The following RRAS2 variants were observed in gnomAD, a reference collection of about 807,000 sequenced individuals.
RRAS2 encodes RAS related 2, also known as ras-related protein R-Ras2.
RRAS2 carries 7 observed loss-of-function variants against 27.6 expected under a neutral mutation model. The observed-to-expected ratio is 0.25, with a 90% CI of 0.14 to 0.48. The LOEUF (loss-of-function observed/expected upper bound fraction) is 0.48, where lower values mean the gene tolerates loss of function less well. Ranked by LOEUF, RRAS2 falls within the 20% of genes least tolerant of loss-of-function variation. RRAS2 has a pLI of 0.99. For missense variants in RRAS2, 178 were observed against 256.2 expected, an observed-to-expected ratio of 0.69 and a Z score of 2.08; for synonymous variants, 86 against 90.9, an observed-to-expected ratio of 0.95 and a Z score of 0.31.
intron 4 of RRAS2, among the ~76,000 whole-genome samples, chr11:14,294,093 T>C (rs756305393): frequency 3.1e-4 from 47 of 152,354 alleles, no homozygotes; most frequent in Non-Finnish European, 5.4e-4. Flanking sequence ...GTTAATTTAG[T>C]ATTAACACCG....
intron 1 of RRAS2, among the ~76,000 whole-genome samples, chr11:14,300,351 C>G (rs1300541498): frequency 1.3e-5 from 2 of 152,146 alleles, no homozygotes; most frequent in African/African-American, 4.8e-5. Flanking sequence ...GGGAAGCTAT[C>G]ACATTCAGAC....
At chr11:14,331,422 AAC>A (rs1309632574) in intron 1 of RRAS2, among the ~76,000 whole-genome samples, 8 of 152,204 alleles carry the variant, frequency 5.3e-5, no homozygotes, top group Non-Finnish European at 7.3e-5. Flanking sequence ...ATTAAAGGAA[AAC>A]ACTAATAGGA....
intron 1 of RRAS2, among the ~76,000 whole-genome samples, chr11:14,310,369 G>C (rs1447170232): frequency 6.6e-6 from 1 of 152,172 alleles, no homozygotes; most frequent in Middle Eastern, 3.2e-3. Flanking sequence ...AGACGAATCA[G>C]ACAGAGAAAA....
chr11:14,328,571 T>C (rs370855763), intron 1 of RRAS2, among the ~76,000 whole-genome samples: 1 of 151,544 alleles, frequency 6.6e-6, no homozygotes, highest in Non-Finnish European at 1.5e-5. Context: ...TTAGAAACAC[T>C]AGAAGAAAAA....
In RRAS2 at chr11:14,282,631, T is replaced by C. The variant is rs142315174; in HGVS notation, c.409-911A>G. ...TATTATTACAAAAGTAAACACCTGA[T>C]GAAAAATTAGAAAAGCCAAATTGGG... On this transcript the variant is annotated intron_variant, in intron 4 of 5. Coordinates refer to ENST00000256196, the MANE Select transcript of RRAS2 (RefSeq NM_012250.6). 2.7e-5 allele frequency among the ~76,000 whole-genome samples: 4 copies of C among 147,280 alleles called. No individual in the cohort carries two copies. In the East Asian group the frequency reaches 7.9e-4, roughly 29 times the overall value.
chr11:14,297,656 G>A (rs1047420628), intron 1 of RRAS2, among the ~76,000 whole-genome samples: 16 of 152,070 alleles, frequency 1.1e-4, no homozygotes, highest in Admixed American at 5.2e-4. Context: ...TAGTTACTCC[G>A]GAGGCTGAGA....
At chr11:14,331,075 C>T (rs2134010437) in intron 1 of RRAS2, among the ~76,000 whole-genome samples, 1 of 152,250 alleles carries the variant, frequency 6.6e-6, no homozygotes, top group Admixed American at 6.5e-5. Flanking sequence ...AGCCACTGCG[C>T]CTGACCCTAA....
At chr11:14,334,289 G>GC (rs1848545827) in intron 1 of RRAS2, among the ~76,000 whole-genome samples, 1 of 150,550 alleles carries the variant, frequency 6.6e-6, no homozygotes, top group Non-Finnish European at 1.5e-5. Context: ...CTTTGTCCTG[G>GC]TTTTTTTTTC....
chr11:14,354,802 G>A (rs887080927), intron 1 of RRAS2, among the ~76,000 whole-genome samples: 35 of 146,470 alleles, frequency 2.4e-4, no homozygotes, highest in African/African-American at 7.3e-4. Flanking sequence ...TCAGCCTCCC[G>A]AGTAACTGGG....
intron 4 of RRAS2, among the ~76,000 whole-genome samples, chr11:14,282,431 G>A (rs1374013855): frequency 2.0e-5 from 3 of 152,136 alleles, no homozygotes; most frequent in Non-Finnish European, 4.4e-5. Context: ...ATAGCTGATT[G>A]ATGTATAAAA....
At chr11:14,289,425 A>G (rs1037156414) in intron 4 of RRAS2, among the ~76,000 whole-genome samples, 6 of 152,224 alleles carry the variant, frequency 3.9e-5, no homozygotes, top group Non-Finnish European at 5.9e-5. Context: ...CCACTGTCTA[A>G]GCCAACATAC....
intron 4 of RRAS2, among the ~76,000 whole-genome samples, chr11:14,292,553 G>A (rs1424598569): frequency 6.6e-6 from 1 of 151,548 alleles, no homozygotes; most frequent in Non-Finnish European, 1.5e-5. Flanking sequence ...AATATAATCA[G>A]GTTTAGAAAC....
rs1554955720 is a variant in RRAS2, at chr11:14,358,157, C to CA, written c.108+605dup. 1.1e-6 allele frequency: 1 copy of CA among 919,880 alleles called. No homozygotes were observed. Among genetic ancestry groups the CA allele is most frequent in the African/African-American group, 1.8e-5 (1 of 55,914 alleles). 57.0% of individuals were successfully genotyped at this position (919,880 alleles called of 1,614,324 possible). A position where few individuals can be genotyped will look rare whatever the true frequency, so the allele number is the denominator to read the frequency against. Reference sequence around the variant, plus strand: ...ACATTTTTAACTTCCTAGAAGCCACCATTTCCCCGGGGCATTATCACACAC... The same window carrying CA: ...ACATTTTTAACTTCCTAGAAGCCACCAATTTCCCCGGGGCATTATCACACAC... On this transcript the variant is annotated intron_variant, in intron 1 of 5. Coordinates refer to ENST00000256196, the MANE Select transcript of RRAS2 (RefSeq NM_012250.6). This position sits in a 1 kb window ranked among gnomAD's most constrained non-coding sequence, Gnocchi z 5.1.
In RRAS2 at chr11:14,295,759, T is replaced by C. The variant is rs368177668; in HGVS notation, c.196+9A>G. On this transcript the variant is annotated intron_variant, in intron 2 of 5. Transcript: ENST00000256196. ...TATGCAAATTATCAAACAAAGGAAG[T>C]TTACTTACTATCTAGCCGGGCTGCT... The C allele has an allele frequency of 2.3e-5, 37 of 1,588,524 alleles. No homozygotes were observed. The African/African-American group carries it at 2.4e-4, about 10-fold the overall frequency.
At chr11:14,364,274 G>T in intron 1 of RRAS2, 1 of 948,234 alleles carries the variant, frequency 1.1e-6, no homozygotes, top group Non-Finnish European at 1.6e-6. Context: ...GGGTAGAGTG[G>T]AGAGGGAGAT....
chr11:14,304,744 G>A (rs1847794308), intron 1 of RRAS2, among the ~76,000 whole-genome samples: 2 of 152,206 alleles, frequency 1.3e-5, no homozygotes, highest in South Asian at 4.1e-4. Flanking sequence ...AACAAGAGCA[G>A]AGCAAATTCC....
chr11:14,333,790 C>T (rs941349337), intron 1 of RRAS2, among the ~76,000 whole-genome samples: 1 of 152,026 alleles, frequency 6.6e-6, no homozygotes, highest in African/African-American at 2.4e-5. Context: ...ACCACGGGCA[C>T]GTGCCAGCAT....
chr11:14,352,683 G>A (rs2134039226), intron 1 of RRAS2, among the ~76,000 whole-genome samples: 1 of 151,334 alleles, frequency 6.6e-6, no homozygotes, highest in Middle Eastern at 3.4e-3. Flanking sequence ...CGTGTCAAGT[G>A]GCATCACAAA....
intron 4 of RRAS2, among the ~76,000 whole-genome samples, chr11:14,285,372 G>A (rs571641241): frequency 5.3e-5 from 8 of 152,162 alleles, no homozygotes; most frequent in African/African-American, 1.9e-4. Context: ...AACACAGTGA[G>A]AACCCGTCTC....
Sources: allele counts gnomAD v4.1 joint callset (sites outside exome capture counted in the v4.1 genomes callset), GRCh38; gene constraint gnomAD v4.1.1; non-coding constraint Gnocchi (gnomAD v3.1); transcripts MANE v1.5; gene names NCBI Gene and HGNC (gene_info 2026-07-23, HGNC 2026-07-21).